The following TNNI3K variants were observed in gnomAD, a reference collection of about 807,000 sequenced individuals.
The protein encoded by TNNI3K is serine/threonine-protein kinase TNNI3K.
A neutral mutation model predicts 114.5 loss-of-function variants in TNNI3K; 140 were observed. The observed-to-expected ratio is 1.22, with a 90% CI of 1.07 to 1.41. The LOEUF is 1.41. TNNI3K is among the 40% of genes most tolerant of loss of function. The probability of loss-of-function intolerance (pLI) is 0.00; values close to 1 mark genes in which losing one functional copy is unlikely to be tolerated. For synonymous variants in TNNI3K, 347 were observed against 347.5 expected, an observed-to-expected ratio of 1.00 and a Z score of 0.02; for missense variants, 1,125 against 1,007.6, an observed-to-expected ratio of 1.12 and a Z score of -1.58.
chr1:74,493,059 A>G (rs45545234), intron 23 of TNNI3K, among the ~76,000 whole-genome samples: 10,511 of 152,136 alleles, frequency 0.069, 856 homozygotes, highest in African/African-American at 0.2. Flanking sequence ...TTTAACCTTA[A>G]TTATCTCCTT....
At chr1:74,379,946 C>T (rs7549166) in intron 17 of TNNI3K, among the ~76,000 whole-genome samples, 151,851 of 152,248 alleles carry the variant, frequency 1, 75,729 homozygotes, top group Non-Finnish European at 1. Context: ...CTGCATTCAC[C>T]AATTCTAAAA....
At position 74,353,328 on chromosome 1, in the gene TNNI3K, A is replaced by T. The variant is rs200084712; in HGVS notation, c.995A>T (p.Asn332Ile). 1.4e-5 allele frequency: 23 copies of T among 1,613,920 alleles called. No homozygotes were observed. The East Asian group carries it at 4.9e-4, about 34-fold the overall frequency. ...VKFLLDQNVININHQGRDGHT... is the reference protein window; with the variant it reads ...VKFLLDQNVIIINHQGRDGHT... Reference sequence around the variant, plus strand: ...TTTCTTCTTGATCAGAATGTCATAAACATCAACCACCAAGGAAGGGATGGG... The same window carrying T: ...TTTCTTCTTGATCAGAATGTCATAATCATCAACCACCAAGGAAGGGATGGG... The change falls in exon 10 of 25, where the codon AAC becomes ATC. Residue 332 changes from asparagine to isoleucine, a missense_variant. Asn to Ile is a moderately radical substitution (Grantham distance 149). Coordinates refer to ENST00000326637, the MANE Select transcript of TNNI3K (RefSeq NM_015978.3).
At chr1:74,460,633 C>A (rs556419704) in intron 20 of TNNI3K, among the ~76,000 whole-genome samples, 1 of 152,242 alleles carries the variant, frequency 6.6e-6, no homozygotes, top group South Asian at 2.1e-4. Flanking sequence ...ATCTGTAATA[C>A]CAGAAAATTT....
intron 17 of TNNI3K, among the ~76,000 whole-genome samples, chr1:74,391,967 T>TTA (rs1663804680): frequency 7.6e-6 from 1 of 130,776 alleles, no homozygotes; most frequent in Non-Finnish European, 1.7e-5. Context: ...ATTTTTTTTT[T>TTA]TTTTTTTTTT....
chr1:74,374,461 C>T (rs905798478), intron 17 of TNNI3K: 7 of 151,812 alleles, frequency 4.6e-5, no homozygotes, highest in Non-Finnish European at 1.0e-4. Flanking sequence ...TCTACTGTAA[C>T]AACAACAACA....
Position 74,235,394 on chromosome 1 carries a change from A to C in TNNI3K, c.-58A>C. 1 of 1,235,370 alleles carries C rather than the reference A, an allele frequency of 8.1e-7. No individual in the cohort carries two copies. The allele number at this position is 1,235,370 out of a possible 1,614,324, so 76.5% of individuals were successfully genotyped here. ...TTCAACTGGACTGTCACTGCACTTGAACTTGGAATCTTATAACTTGAAGAA... is the reference window on the plus strand; with the variant it reads ...TTCAACTGGACTGTCACTGCACTTGCACTTGGAATCTTATAACTTGAAGAA... On this transcript the variant is annotated 5_prime_UTR_variant, in exon 1 of 25. Coordinates refer to ENST00000326637, the MANE Select transcript of TNNI3K (RefSeq NM_015978.3).
intron 17 of TNNI3K, among the ~76,000 whole-genome samples, chr1:74,386,669 A>G (rs1389016551): frequency 6.6e-6 from 1 of 152,198 alleles, no homozygotes; most frequent in African/African-American, 2.4e-5. Flanking sequence ...ATATCAAATA[A>G]CTGGTCTGTG....
intron 21 of TNNI3K, among the ~76,000 whole-genome samples, chr1:74,477,114 T>A (rs1013292113): frequency 7.0e-4 from 106 of 152,276 alleles, no homozygotes; most frequent in African/African-American, 2.3e-3. Context: ...GACAGATAGA[T>A]TCTAGAGTTT....
chr1:74,374,621 T>G (rs1662804308), intron 17 of TNNI3K: 1 of 152,010 alleles, frequency 6.6e-6, no homozygotes, highest in Non-Finnish European at 1.5e-5. Flanking sequence ...CATCTTATGC[T>G]TCTGTGTTCC....
chr1:74,318,886 C>G (rs954602531), intron 5 of TNNI3K, among the ~76,000 whole-genome samples: 1 of 152,062 alleles, frequency 6.6e-6, no homozygotes, highest in African/African-American at 2.4e-5. Context: ...ACAAGTAAGT[C>G]GTAAGTAACT....
At chr1:74,405,441 G>A (rs1168801983) in intron 17 of TNNI3K, among the ~76,000 whole-genome samples, 2 of 152,130 alleles carry the variant, frequency 1.3e-5, no homozygotes, top group African/African-American at 4.8e-5. Context: ...ATTGAAAAGT[G>A]GTAAATAAAC....
chr1:74,409,785 C>A lies in TNNI3K; in HGVS notation c.1773-26295C>A, dbSNP rs115178623. ...CAGGGATTACAGGCGTGAGCCACCA[C>A]GCCCACCTTTTCTTTTATATTTATT... On this transcript the variant is annotated intron_variant, in intron 17 of 24. Coordinates refer to ENST00000326637, the MANE Select transcript of TNNI3K (RefSeq NM_015978.3). Among the ~76,000 whole-genome samples the A allele has an allele frequency of 9.0e-3, 1,374 of 152,188 alleles. 21 individuals are homozygous for A. The highest frequency in any genetic ancestry group is 0.032 in the African/African-American group (1,313 of 41,548).
At chr1:74,471,201 G>A in intron 21 of TNNI3K, 1 of 400,676 alleles carries the variant, frequency 2.5e-6, no homozygotes, top group Non-Finnish European at 4.4e-6. Flanking sequence ...CACTGAGCAG[G>A]GGGGCACGTT....
Position 74,353,490 on chromosome 1 carries a change from G to A in TNNI3K, c.1027+130G>A, listed in dbSNP as rs117024606. The A allele has an allele frequency of 7.3e-4, 701 of 963,094 alleles. 8 individuals carry two copies. The East Asian group carries it at 0.018, about 24-fold the overall frequency. 59.7% of individuals were successfully genotyped at this position (963,094 alleles called of 1,614,324 possible). On this transcript the variant is annotated intron_variant, in intron 10 of 24. Coordinates refer to ENST00000326637, the MANE Select transcript of TNNI3K (RefSeq NM_015978.3). Reference sequence around the variant, plus strand: ...GGAAAGGGTATTTTATCAACTGCCAGCATTTAGAATTGATAATGACTGATA... The same window carrying A: ...GGAAAGGGTATTTTATCAACTGCCAACATTTAGAATTGATAATGACTGATA...
intron 23 of TNNI3K, among the ~76,000 whole-genome samples, chr1:74,501,755 G>A (rs375997167): frequency 6.6e-6 from 1 of 151,970 alleles, no homozygotes; most frequent in Non-Finnish European, 1.5e-5. Context: ...CCAAAGTGCT[G>A]GGATTACAAG....
At chr1:74,530,717 CAA>C (rs1646571105) in intron 23 of TNNI3K, among the ~76,000 whole-genome samples, 1 of 124,106 alleles carries the variant, frequency 8.1e-6, no homozygotes. Flanking sequence ...ACCAAGAACT[CAA>C]AAAGTTTTTT....
At chr1:74,398,757 G>A (rs1329641233) in intron 17 of TNNI3K, among the ~76,000 whole-genome samples, 1 of 152,108 alleles carries the variant, frequency 6.6e-6, no homozygotes, top group South Asian at 2.1e-4. Flanking sequence ...AGGAATTATG[G>A]AAGGTATACA....
intron 5 of TNNI3K, among the ~76,000 whole-genome samples, chr1:74,286,368 CTAA>C (rs910331343): frequency 5.3e-5 from 8 of 152,040 alleles, no homozygotes; most frequent in African/African-American, 1.7e-4. Context: ...CAGGCTCATT[CTAA>C]TATCAGACCA....
intron 21 of TNNI3K, chr1:74,468,625 A>G (rs1667777138): frequency 6.6e-6 from 1 of 152,140 alleles, no homozygotes; most frequent in African/African-American, 2.4e-5. Flanking sequence ...GGGAAACAAA[A>G]GAGGCGGGGT....
Sources: allele counts gnomAD v4.1 joint callset (sites outside exome capture counted in the v4.1 genomes callset), GRCh38; gene constraint gnomAD v4.1.1; transcripts MANE v1.5; gene names NCBI Gene and HGNC (gene_info 2026-07-23, HGNC 2026-07-21).